ARHGAP22: variants seen among roughly 807,000 people sequenced by gnomAD.
The protein encoded by ARHGAP22 is rho GTPase-activating protein 22.
In ARHGAP22, 48 loss-of-function variants were observed where a neutral mutation model predicts 59.1. The ratio of observed to expected loss-of-function variants is 0.81; its 90% confidence interval spans 0.64 to 1.03. ARHGAP22 has a LOEUF of 1.03. ARHGAP22 is among the 50% of genes least tolerant of loss of function. The probability of loss-of-function intolerance (pLI) is 0.00; values close to 1 mark genes in which losing one functional copy is unlikely to be tolerated. For missense variants in ARHGAP22, 1,015 were observed against 958.7 expected (o/e 1.06, Z -0.78); for synonymous variants, 445 against 416.4 (o/e 1.07, Z -0.84).
intron 3 of ARHGAP22, among the ~76,000 whole-genome samples, chr10:48,498,895 C>T (rs2051220965): frequency 6.6e-6 from 1 of 152,324 alleles, no homozygotes; most frequent in South Asian, 2.1e-4. Flanking sequence ...ATTTTACAGG[C>T]TGCCCTAAGA....
chr10:48,601,168 G>T (rs188754072), intron 1 of ARHGAP22, among the ~76,000 whole-genome samples: 1 of 152,264 alleles, frequency 6.6e-6, no homozygotes, highest in Admixed American at 6.5e-5. Context: ...CTGGGCAGGG[G>T]CATCACAGCA....
intron 4 of ARHGAP22, among the ~76,000 whole-genome samples, chr10:48,462,219 G>A (rs1457042369): frequency 1.4e-5 from 2 of 138,960 alleles, no homozygotes; most frequent in African/African-American, 5.3e-5. Context: ...TTGTGGGCTT[G>A]TGTGTGCATG....
In ARHGAP22 at chr10:48,458,936, AGAG is replaced by A. The variant is rs538080742; in HGVS notation, c.659+745_659+747del. Among the ~76,000 whole-genome samples the A allele has an allele frequency of 6.6e-5, 10 of 152,218 alleles. No individual in the cohort carries two copies. The East Asian group carries it at 1.9e-3, about 29-fold the overall frequency. ...CTGAGGGGCTGAGTGTTCTGCCCCC[AGAG>A]GAGAAGCCCTGGGAGGCCAGGGCTG... On this transcript the variant is annotated intron_variant, in intron 5 of 9. Transcript: ENST00000249601.
intron 4 of ARHGAP22, among the ~76,000 whole-genome samples, chr10:48,460,203 A>C (rs1170126405): frequency 6.6e-6 from 1 of 152,190 alleles, no homozygotes; most frequent in East Asian, 1.9e-4. Context: ...AGCGTTCATT[A>C]TGCCTGTCAT....
chr10:48,522,623 CG>C (rs1390280474), intron 3 of ARHGAP22, among the ~76,000 whole-genome samples: 2 of 152,208 alleles, frequency 1.3e-5, no homozygotes, highest in Admixed American at 6.5e-5. Context: ...GACCTGCCCT[CG>C]GGGAGCATGC....
chr10:48,557,431 T>C (rs752073938), intron 2 of ARHGAP22, among the ~76,000 whole-genome samples: 9 of 152,206 alleles, frequency 5.9e-5, no homozygotes, highest in Non-Finnish European at 1.2e-4. Flanking sequence ...GACTGTACTA[T>C]ATTCCTGGCT....
At chr10:48,464,960 GCTTCCTTCCCCGCGGCC>G (rs551591311) in intron 4 of ARHGAP22, among the ~76,000 whole-genome samples, 138 of 152,154 alleles carry the variant, frequency 9.1e-4, no homozygotes, top group African/African-American at 3.0e-3. Flanking sequence ...CTCCCAAGAG[GCTTCCTTCCCCGCGGCC>G]CTCCTGTGGG....
At chr10:48,650,157 T>A (rs2062498271) in intron 1 of ARHGAP22, among the ~76,000 whole-genome samples, 1 of 147,038 alleles carries the variant, frequency 6.8e-6, no homozygotes, top group Admixed American at 6.8e-5. Flanking sequence ...TTTTTTTTTT[T>A]TTTTTTTTTT....
At chr10:48,537,501 C>T (rs1393924553) in intron 3 of ARHGAP22, among the ~76,000 whole-genome samples, 1 of 152,250 alleles carries the variant, frequency 6.6e-6, no homozygotes, top group African/African-American at 2.4e-5. Flanking sequence ...CTGGAATTCT[C>T]AGTCTTTCCT....
At chr10:48,479,791 C>G in intron 3 of ARHGAP22, 27 bp from the exon 4 acceptor site, 1 of 1,545,610 alleles carries the variant, frequency 6.5e-7, no homozygotes, top group Non-Finnish European at 8.7e-7. Flanking sequence ...CACAGGCTTA[C>G]GCAGGGTCCC....
At chr10:48,616,929 C>T (rs1214372817) in intron 1 of ARHGAP22, among the ~76,000 whole-genome samples, 4 of 151,882 alleles carry the variant, frequency 2.6e-5, no homozygotes, top group Admixed American at 6.6e-5. Flanking sequence ...TAGGCAAATA[C>T]GTAATTATTA....
chr10:48,486,245 G>A lies in ARHGAP22; in HGVS notation c.323-6481C>T, dbSNP rs77687599. Among the ~76,000 whole-genome samples the A allele has an allele frequency of 2.5e-3, 379 of 151,964 alleles. 3 individuals carry two copies. Among genetic ancestry groups the A allele is most frequent in the African/African-American group, 8.7e-3 (360 of 41,464 alleles). ...ATTATACTTCCATGTCTTCTTTCCT[G>A]ACCTTTTTTGCAATGTTTATCTTAC... is the stretch of plus-strand genomic sequence containing the variant. On this transcript the variant is annotated intron_variant, in intron 3 of 9. Coordinates refer to ENST00000249601, the MANE Select transcript of ARHGAP22 (RefSeq NM_021226.4).
intron 3 of ARHGAP22, among the ~76,000 whole-genome samples, chr10:48,542,074 A>C (rs2056010201): frequency 6.6e-6 from 1 of 152,192 alleles, no homozygotes; most frequent in Admixed American, 6.5e-5. Context: ...CCCTTGGAGA[A>C]GCCACTTTCC....
rs547686902 is a variant in ARHGAP22 at position 48,453,573 on chromosome 10, C to T, written c.867-148G>A. 3,823 of 1,225,246 alleles carry T rather than the reference C, an allele frequency of 3.1e-3. 7 individuals carry two copies. Among genetic ancestry groups the T allele is most frequent in the Non-Finnish European group, 3.8e-3 (3,288 of 868,128 alleles). The allele number at this position is 1,225,246 out of a possible 1,614,324, so 75.9% of individuals were successfully genotyped here. On this transcript the variant is annotated intron_variant, in intron 7 of 9. Coordinates refer to ENST00000249601, the MANE Select transcript of ARHGAP22 (RefSeq NM_021226.4). ...GGGTGTAGCCTGCCTCTGCCAGGCT[C>T]GATGAGGGAAGGCTTCCCCTGGGGC...
chr10:48,588,948 A>G (rs752626038), intron 1 of ARHGAP22, among the ~76,000 whole-genome samples: 1 of 152,146 alleles, frequency 6.6e-6, no homozygotes, highest in African/African-American at 2.4e-5. Context: ...AGAGTGTGGG[A>G]TGACCTCAGG....
chr10:48,446,491 G>A lies in ARHGAP22; in HGVS notation c.1997C>T (p.Ala666Val), dbSNP rs1479805702. ...CTGCAACAGCTGGTTCCTCCTCTCC[G>A]CATCCTCCCGCGCCCGTTCAGAGTT... Reference protein sequence around the residue: ...LRNSERAREDAERRNQLLQRE... With the variant: ...LRNSERAREDVERRNQLLQRE... Residue 666 changes from alanine to valine, a missense_variant, in exon 10 of 10, where the codon GCG becomes GTG. Coordinates refer to ENST00000249601, the MANE Select transcript of ARHGAP22 (RefSeq NM_021226.4). 6 of 1,614,038 alleles carry A rather than the reference G, an allele frequency of 3.7e-6. No homozygotes were observed. Among genetic ancestry groups the A allele is most frequent in the East Asian group, 2.2e-5 (1 of 44,896 alleles).
chr10:48,488,992 G>A (rs769479585), intron 3 of ARHGAP22, among the ~76,000 whole-genome samples: 9 of 152,080 alleles, frequency 5.9e-5, no homozygotes, highest in Non-Finnish European at 1.2e-4. Flanking sequence ...GCAGTCAGCT[G>A]GGGCACATGT....
chr10:48,601,419 C>G (rs1266924197), intron 1 of ARHGAP22, among the ~76,000 whole-genome samples: 2 of 152,228 alleles, frequency 1.3e-5, no homozygotes, highest in African/African-American at 4.8e-5. Context: ...ATTCCCCACC[C>G]CACAGAGGCA....
At position 48,446,325 on chromosome 10, in the gene ARHGAP22, G is replaced by T; in HGVS notation, c.*66C>A. The stretch of plus-strand genomic sequence containing the variant: ...GCCTGGCTGCTCCAGAGATACAGAC[G>T]CTTCTAACTCCATACAAGGCTGGAG... On this transcript the variant is annotated 3_prime_UTR_variant, in exon 10 of 10. Coordinates refer to ENST00000249601, the MANE Select transcript of ARHGAP22 (RefSeq NM_021226.4). 1 of 1,547,498 alleles carries T rather than the reference G, an allele frequency of 6.5e-7. No individual in the cohort carries two copies. Among genetic ancestry groups the T allele is most frequent in the Non-Finnish European group, 8.8e-7 (1 of 1,131,384 alleles).
Sources: gnomAD v4.1 joint callset for allele counts (sites outside exome capture counted in the v4.1 genomes callset) on GRCh38, gnomAD v4.1.1 for gene constraint, MANE v1.5 for transcripts, NCBI Gene and HGNC (gene_info 2026-07-23, HGNC 2026-07-21) for gene names.